Variants in HECW1 observed in about 807,000 individuals in gnomAD.
The protein encoded by HECW1 is E3 ubiquitin-protein ligase HECW1.
A neutral mutation model predicts 182.3 loss-of-function variants in HECW1; 61 were observed. The ratio of observed to expected loss-of-function variants is 0.33; its 90% CI spans 0.27 to 0.41. HECW1 has a LOEUF of 0.41. Among genes scored for constraint, HECW1 ranks in the 10% least tolerant of loss-of-function variants. The probability of loss-of-function intolerance (pLI) is 1.00; values close to 1 mark genes in which losing one functional copy is unlikely to be tolerated. For missense variants in HECW1, 1,739 were observed against 2,108.9 expected (o/e 0.82, Z 3.44); for synonymous variants, 859 against 832.6 (o/e 1.03, Z -0.55).
chr7:43,113,674 G>T (rs370016372), intron 1 of HECW1: 20 of 197,108 alleles, frequency 1.0e-4, no homozygotes, highest in Admixed American at 1.8e-4. Flanking sequence ...GGCGGGGAGG[G>T]GGGGGGAATG....
intron 28 of HECW1, among the ~76,000 whole-genome samples, chr7:43,552,763 T>C (rs891597248): frequency 6.6e-6 from 1 of 152,256 alleles, no homozygotes; most frequent in African/African-American, 2.4e-5. Context: ...TTCCTTTTTA[T>C]AGCCAAATAA....
intron 12 of HECW1, 95 bp from the exon 13 acceptor site, chr7:43,456,202 A>T: frequency 1.6e-6 from 2 of 1,276,372 alleles, no homozygotes; most frequent in South Asian, 3.0e-5. Flanking sequence ...ACCAATGGTG[A>T]GTTCTACCTG....
chr7:43,145,706 A>C (rs1484682134), intron 2 of HECW1, among the ~76,000 whole-genome samples: 2 of 152,204 alleles, frequency 1.3e-5, no homozygotes, highest in Non-Finnish European at 2.9e-5. Context: ...CACAAGAGAT[A>C]ATTTCAAACT....
intron 11 of HECW1, among the ~76,000 whole-genome samples, chr7:43,447,331 A>G (rs1161822743): frequency 6.6e-6 from 1 of 152,164 alleles, no homozygotes; most frequent in Non-Finnish European, 1.5e-5. Context: ...ATGTTTTACA[A>G]ACAAAAAAGT....
At chr7:43,184,357 G>A (rs1388168607) in intron 2 of HECW1, among the ~76,000 whole-genome samples, 1 of 152,216 alleles carries the variant, frequency 6.6e-6, no homozygotes, top group Non-Finnish European at 1.5e-5. Flanking sequence ...AGCTATCAGT[G>A]TGATGCTACC....
At position 43,385,095 on chromosome 7, in the gene HECW1, A is replaced by G. The variant is rs79253490; in HGVS notation, c.556-11719A>G. ...TTTGTAAGAAAAAGATCCTGAATTC[A>G]AAGAAACGGGTTCAGCCAAAGGGGC... On this transcript the variant is annotated intron_variant, in intron 6 of 29. Coordinates refer to ENST00000395891, the MANE Select transcript of HECW1 (RefSeq NM_015052.5). 6.6e-5 allele frequency among the ~76,000 whole-genome samples: 10 copies of G among 151,868 alleles called. No homozygotes were observed. The East Asian group carries it at 1.6e-3, about 24-fold the overall frequency.
At chr7:43,362,131 C>CAAAAA (rs34879817) in intron 6 of HECW1, among the ~76,000 whole-genome samples, 5 of 87,832 alleles carry the variant, frequency 5.7e-5, no homozygotes, top group South Asian at 4.9e-4. Context: ...AACTCCGTCT[C>CAAAAA]AAAAAAAAAA....
At chr7:43,316,369 G>C (rs1442281748) in intron 4 of HECW1, among the ~76,000 whole-genome samples, 1 of 152,186 alleles carries the variant, frequency 6.6e-6, no homozygotes, top group African/African-American at 2.4e-5. Flanking sequence ...GTTTTACATA[G>C]TAAGTGTCAT....
chr7:43,125,758 A>T (rs992731844), intron 2 of HECW1, among the ~76,000 whole-genome samples: 1 of 24,548 alleles, frequency 4.1e-5, no homozygotes, highest in East Asian at 8.1e-4. Flanking sequence ...ATTCTGTCTT[A>T]AAAAAAAAAA....
intron 5 of HECW1, among the ~76,000 whole-genome samples, chr7:43,333,664 G>A (rs1186828945): frequency 6.6e-6 from 1 of 152,152 alleles, no homozygotes; most frequent in East Asian, 1.9e-4. Flanking sequence ...GGAAGCATGA[G>A]ACTTATGCTG....
intron 2 of HECW1, among the ~76,000 whole-genome samples, chr7:43,221,556 T>C (rs1219113994): frequency 3.1e-5 from 3 of 96,864 alleles, no homozygotes; most frequent in Admixed American, 1.1e-4. Context: ...TTTTTTTTTT[T>C]TTTTTTTTTT....
chr7:43,540,420 C>T (rs1278679671), intron 24 of HECW1, among the ~76,000 whole-genome samples: 1 of 152,148 alleles, frequency 6.6e-6, no homozygotes, highest in Admixed American at 6.5e-5. Context: ...TAGGAGCAGG[C>T]AACAATGGAA....
In HECW1 at chr7:43,223,492, A is replaced by G. The variant is rs1797162596; in HGVS notation, c.-31-20383A>G. ...AAATTAGCCAGGCGTGGTGATGCAC[A>G]CCTGTAATGCCAGCTACTCGGGAGG... On this transcript the variant is annotated intron_variant, in intron 2 of 29. Transcript: ENST00000395891. 2.0e-5 allele frequency among the ~76,000 whole-genome samples: 3 copies of G among 152,084 alleles called. No individual in the cohort carries two copies. In the South Asian group the frequency reaches 6.2e-4, roughly 31 times the overall value.
At chr7:43,165,406 G>C (rs929162211) in intron 2 of HECW1, among the ~76,000 whole-genome samples, 1 of 150,856 alleles carries the variant, frequency 6.6e-6, no homozygotes, top group Non-Finnish European at 1.5e-5. Context: ...GCGGGGGGGG[G>C]TGTTTGTGTG....
At chr7:43,317,257 C>T (rs976363196) in intron 4 of HECW1, among the ~76,000 whole-genome samples, 2 of 152,206 alleles carry the variant, frequency 1.3e-5, no homozygotes, top group Non-Finnish European at 2.9e-5. Flanking sequence ...AGGCAGTGAC[C>T]TACTCCGCTT....
intron 2 of HECW1, among the ~76,000 whole-genome samples, chr7:43,115,213 C>T (rs781763378): frequency 1.1e-4 from 16 of 151,712 alleles, no homozygotes; most frequent in Non-Finnish European, 1.2e-4. Context: ...GTAGAATCTG[C>T]GGCTTATTTT....
At chr7:43,453,853 T>C (rs1253892974) in intron 12 of HECW1, among the ~76,000 whole-genome samples, 2 of 152,230 alleles carry the variant, frequency 1.3e-5, no homozygotes, top group African/African-American at 4.8e-5. Context: ...GTCATGCTGA[T>C]GCCTGAAGTT....
At chr7:43,246,107 C>T (rs1054939699) in intron 3 of HECW1, among the ~76,000 whole-genome samples, 5 of 151,004 alleles carry the variant, frequency 3.3e-5, no homozygotes, top group Admixed American at 6.6e-5. Flanking sequence ...GAGACCAGCC[C>T]GAGCCATAGG....
chr7:43,221,328 T>A (rs906969912), intron 2 of HECW1, among the ~76,000 whole-genome samples: 22 of 152,006 alleles, frequency 1.4e-4, no homozygotes, highest in Admixed American at 1.3e-3. Context: ...GTTTCCAGGG[T>A]CATTTTATAT....
Sources: allele counts gnomAD v4.1 joint callset (sites outside exome capture counted in the v4.1 genomes callset), GRCh38; gene constraint gnomAD v4.1.1; transcripts MANE v1.5; gene names NCBI Gene and HGNC (gene_info 2026-07-23, HGNC 2026-07-21).